Variants in FHIT observed in about 807,000 individuals in gnomAD.
The protein encoded by FHIT is fragile histidine triad diadenosine triphosphatase, also known as bis(5'-adenosyl)-triphosphatase.
A neutral mutation model predicts 17.9 loss-of-function variants in FHIT; 19 were observed. The observed-to-expected ratio is 1.06, with a 90% confidence interval of 0.74 to 1.56. The LOEUF (loss-of-function observed/expected upper bound fraction) is 1.56, where lower values mean the gene tolerates loss of function less well. FHIT is among the 40% of genes most tolerant of loss of function. FHIT has a pLI of 0.00. For missense variants in FHIT, 248 were observed against 189.2 expected (o/e 1.31, Z -1.82); for synonymous variants, 81 against 69.7 (o/e 1.16, Z -0.81).
At position 60,834,773 on chromosome 3, in the gene FHIT, G is replaced by A. The variant is rs1702470508; in HGVS notation, c.-110-12762C>T. 7.9e-5 allele frequency among the ~76,000 whole-genome samples: 12 copies of A among 151,456 alleles called. No individual in the cohort carries two copies. In the South Asian group the frequency reaches 2.3e-3, roughly 29 times the overall value. On this transcript the variant is annotated intron_variant, in intron 3 of 9. Coordinates refer to ENST00000492590, the MANE Select transcript of FHIT (RefSeq NM_002012.4). ...CCAGCTATTCCAGAGCCTCAGGCAG[G>A]AGAATTGCTTGAACCTGGGAGGCAG...
chr3:61,227,742 T>C (rs1398300656), intron 1 of FHIT, among the ~76,000 whole-genome samples: 1 of 152,180 alleles, frequency 6.6e-6, no homozygotes, highest in African/African-American at 2.4e-5. Context: ...CTTTTTTCCA[T>C]GGGATCAACA....
chr3:60,855,523 G>A (rs1275134556), intron 3 of FHIT, among the ~76,000 whole-genome samples: 1 of 152,076 alleles, frequency 6.6e-6, no homozygotes, highest in Non-Finnish European at 1.5e-5. Context: ...GGTCCTTTAT[G>A]ATATTACTGA....
intron 7 of FHIT, among the ~76,000 whole-genome samples, chr3:59,972,185 T>C (rs907269276): frequency 6.6e-6 from 1 of 152,144 alleles, no homozygotes; most frequent in Non-Finnish European, 1.5e-5. Context: ...GAATGTGCCC[T>C]GTTAAGTTCA....
At position 61,212,652 on chromosome 3, in the gene FHIT, C is replaced by T. The variant is rs200504762; in HGVS notation, c.-212-11987G>A. 3.7e-3 allele frequency among the ~76,000 whole-genome samples: 560 copies of T among 152,118 alleles called. 1 individual carries two copies. The highest frequency in any genetic ancestry group is 7.5e-3 in the East Asian group (39 of 5,182). ...ATTCAGCTTCAGGAAATACAGAGAA[C>T]GCCACAAAGATACTCCTCGAGAAGG... On this transcript the variant is annotated intron_variant, in intron 1 of 9. Coordinates refer to ENST00000492590, the MANE Select transcript of FHIT (RefSeq NM_002012.4).
intron 4 of FHIT, among the ~76,000 whole-genome samples, chr3:60,634,979 C>G (rs2039543541): frequency 6.6e-6 from 1 of 152,182 alleles, no homozygotes; most frequent in Non-Finnish European, 1.5e-5. Context: ...TCAAGCAATC[C>G]TCGCACCTCA....
chr3:60,941,516 C>G (rs1211635151), intron 3 of FHIT, among the ~76,000 whole-genome samples: 9 of 152,156 alleles, frequency 5.9e-5, no homozygotes. Flanking sequence ...CTCTGCTCTC[C>G]CTTCTCTAGA....
intron 5 of FHIT, among the ~76,000 whole-genome samples, chr3:60,037,857 G>C: frequency 6.6e-6 from 1 of 151,936 alleles, no homozygotes; most frequent in East Asian, 1.9e-4. Flanking sequence ...GGGACTACAG[G>C]TGCATACTGC....
chr3:60,259,433 T>C (rs1706184015), intron 5 of FHIT, among the ~76,000 whole-genome samples: 1 of 152,096 alleles, frequency 6.6e-6, no homozygotes, highest in Non-Finnish European at 1.5e-5. Flanking sequence ...GAGTAGTGGG[T>C]GTGGAGAGAC....
chr3:60,268,624 T>A (rs1212632764), intron 5 of FHIT, among the ~76,000 whole-genome samples: 2 of 152,240 alleles, frequency 1.3e-5, no homozygotes, highest in Non-Finnish European at 2.9e-5. Flanking sequence ...CCAGTATACA[T>A]CCTTGATTGT....
At chr3:60,484,522 T>C (rs529700244) in intron 5 of FHIT, among the ~76,000 whole-genome samples, 1 of 152,314 alleles carries the variant, frequency 6.6e-6, no homozygotes, top group Admixed American at 6.5e-5. Flanking sequence ...ACCACTCATC[T>C]ATAACCATCT....
intron 8 of FHIT, among the ~76,000 whole-genome samples, chr3:59,907,000 G>A (rs1704613613): frequency 6.6e-6 from 1 of 152,176 alleles, no homozygotes; most frequent in African/African-American, 2.4e-5. Context: ...TTTCTCAATT[G>A]AACTATTTAG....
chr3:60,462,729 A>G (rs1012766073), intron 5 of FHIT, among the ~76,000 whole-genome samples: 1 of 152,172 alleles, frequency 6.6e-6, no homozygotes, highest in African/African-American at 2.4e-5. Context: ...GCGGACAAGG[A>G]AAGACAGGAA....
chr3:59,876,062 T>C (rs1314320587), intron 8 of FHIT, among the ~76,000 whole-genome samples: 3 of 152,096 alleles, frequency 2.0e-5, no homozygotes, highest in Non-Finnish European at 1.5e-5. Context: ...CACTCAAATA[T>C]ACATAGGTCT....
chr3:60,423,280 G>T (rs1449403267), intron 5 of FHIT, among the ~76,000 whole-genome samples: 2 of 152,044 alleles, frequency 1.3e-5, no homozygotes, highest in Admixed American at 6.6e-5. Context: ...CAACCCTGAA[G>T]CCCACATTAC....
intron 4 of FHIT, among the ~76,000 whole-genome samples, chr3:60,708,472 T>G (rs1735462): frequency 6.6e-6 from 1 of 152,194 alleles, no homozygotes; most frequent in African/African-American, 2.4e-5. Flanking sequence ...TTTACCATCA[T>G]TGGTTTTCAT....
intron 7 of FHIT, among the ~76,000 whole-genome samples, chr3:59,969,677 A>G (rs1708089163): frequency 6.6e-6 from 1 of 152,128 alleles, no homozygotes; most frequent in Non-Finnish European, 1.5e-5. Flanking sequence ...CATTTTGTTA[A>G]GTTCACCTAA....
At chr3:60,379,853 G>A (rs1172261057) in intron 5 of FHIT, among the ~76,000 whole-genome samples, 1 of 152,116 alleles carries the variant, frequency 6.6e-6, no homozygotes, top group African/African-American at 2.4e-5. Context: ...TACCTAGGTT[G>A]AAGAAAAAAC....
At chr3:60,319,893 C>T (rs1306719331) in intron 5 of FHIT, among the ~76,000 whole-genome samples, 1 of 152,032 alleles carries the variant, frequency 6.6e-6, no homozygotes, top group African/African-American at 2.4e-5. Flanking sequence ...AGGGTAGGTG[C>T]CTACACAAAA....
At chr3:60,234,462 A>G (rs895915211) in intron 5 of FHIT, among the ~76,000 whole-genome samples, 3 of 152,220 alleles carry the variant, frequency 2.0e-5, no homozygotes, top group African/African-American at 7.2e-5. Context: ...TTATTTCATT[A>G]TTCTGATACC....
Sources: gnomAD v4.1 joint callset for allele counts (sites outside exome capture counted in the v4.1 genomes callset) on GRCh38, gnomAD v4.1.1 for gene constraint, MANE v1.5 for transcripts, NCBI Gene and HGNC (gene_info 2026-07-23, HGNC 2026-07-21) for gene names.